Variants in KCNC2 observed in about 807,000 individuals in gnomAD.
KCNC2 encodes the protein potassium voltage-gated channel subfamily C member 2, also known as voltage-gated potassium channel KCNC2.
A neutral mutation model predicts 44.5 loss-of-function variants in KCNC2; 21 were observed. That is an observed-to-expected ratio of 0.47 (90% CI 0.33 to 0.68). The LOEUF is 0.68. KCNC2 is among the 30% of genes least tolerant of loss of function. KCNC2 has a pLI of 0.01. For missense variants in KCNC2, 589 were observed against 826.2 expected, an observed-to-expected ratio of 0.71 and a Z score of 3.52; for synonymous variants, 391 against 339.1, an observed-to-expected ratio of 1.15 and a Z score of -1.68.
chr12:75,048,424 C>T, intron 3 of KCNC2, 107 bp from the exon 4 acceptor site: 1 of 750,232 alleles, frequency 1.3e-6, no homozygotes, highest in Non-Finnish European at 2.0e-6. Context: ...ATATACAACA[C>T]ACAAGAATCA....
intron 2 of KCNC2, among the ~76,000 whole-genome samples, chr12:75,204,464 A>G (rs2031528045): frequency 6.6e-6 from 1 of 152,058 alleles, no homozygotes; most frequent in South Asian, 2.1e-4. Context: ...AAAAAAGAAA[A>G]TTGTGAAACA....
intron 2 of KCNC2, among the ~76,000 whole-genome samples, chr12:75,188,791 G>C (rs2029914582): frequency 6.6e-6 from 1 of 151,638 alleles, no homozygotes; most frequent in Admixed American, 6.6e-5. Context: ...ACCCGGAGTT[G>C]GAGGATGCAG....
chr12:75,120,726 G>C (rs527272178), intron 2 of KCNC2, among the ~76,000 whole-genome samples: 16 of 152,282 alleles, frequency 1.1e-4, no homozygotes, highest in African/African-American at 3.8e-4. Flanking sequence ...CTGGACCTTA[G>C]TAAGTGTTTC....
intron 2 of KCNC2, among the ~76,000 whole-genome samples, chr12:75,067,886 A>C (rs184882575): frequency 2.6e-5 from 4 of 152,112 alleles, no homozygotes; most frequent in Non-Finnish European, 5.9e-5. Flanking sequence ...GCAAAAAAAA[A>C]ACATACTTTT....
chr12:75,193,936 G>T (rs769624881), intron 2 of KCNC2, among the ~76,000 whole-genome samples: 33 of 152,050 alleles, frequency 2.2e-4, no homozygotes, highest in Non-Finnish European at 4.0e-4. Flanking sequence ...AGAGGGACTA[G>T]AGTTAATGCC....
chr12:75,109,704 C>T (rs943853382), intron 2 of KCNC2, among the ~76,000 whole-genome samples: 1 of 151,890 alleles, frequency 6.6e-6, no homozygotes, highest in African/African-American at 2.4e-5. Context: ...ATATACAGGA[C>T]CCTAAAACCC....
intron 2 of KCNC2, among the ~76,000 whole-genome samples, chr12:75,068,749 T>C (rs959285671): frequency 5.9e-5 from 9 of 151,976 alleles, no homozygotes; most frequent in African/African-American, 2.2e-4. Flanking sequence ...GTTTGGAAAA[T>C]GGGAAGTAAT....
intron 2 of KCNC2, among the ~76,000 whole-genome samples, chr12:75,083,805 T>C (rs983732462): frequency 1.3e-5 from 2 of 151,968 alleles, no homozygotes; most frequent in Admixed American, 1.3e-4. Context: ...TTATAATAAA[T>C]ACATGATTTC....
intron 2 of KCNC2, among the ~76,000 whole-genome samples, chr12:75,192,585 C>T (rs1002781230): frequency 2.6e-5 from 4 of 152,098 alleles, no homozygotes; most frequent in African/African-American, 9.7e-5. Flanking sequence ...TTTTCATTTA[C>T]TGTTAGTCTA....
intron 2 of KCNC2, among the ~76,000 whole-genome samples, chr12:75,054,665 C>T (rs529970927): frequency 2.0e-5 from 3 of 151,950 alleles, no homozygotes; most frequent in Admixed American, 6.6e-5. Flanking sequence ...CCATGGGAGG[C>T]GGGATATGTT....
intron 2 of KCNC2, among the ~76,000 whole-genome samples, chr12:75,126,519 A>G (rs1888437709): frequency 6.6e-6 from 1 of 152,164 alleles, no homozygotes. Flanking sequence ...TAAATTATAA[A>G]AAGAGGATTT....
intron 2 of KCNC2, among the ~76,000 whole-genome samples, chr12:75,053,367 T>C (rs1023872671): frequency 6.6e-6 from 1 of 151,914 alleles, no homozygotes. Flanking sequence ...GCTCACTACC[T>C]CCTTAGTAAT....
At chr12:75,170,021 A>G (rs1891707632) in intron 2 of KCNC2, among the ~76,000 whole-genome samples, 1 of 151,760 alleles carries the variant, frequency 6.6e-6, no homozygotes, top group African/African-American at 2.4e-5. Flanking sequence ...ATCTTTTCAT[A>G]TATTGTTTTA....
chr12:75,041,195 T>C lies in KCNC2; in HGVS notation c.*1910A>G. On this transcript the variant is annotated 3_prime_UTR_variant, in exon 5 of 5. Coordinates refer to ENST00000549446, the MANE Select transcript of KCNC2 (RefSeq NM_139137.4). The stretch of plus-strand genomic sequence containing the variant: ...TCAGCAGTCAATAATCCATGATAAA[T>C]TCTGTACAACACTGTAGTCAATAAC... The C allele has an allele frequency of 6.3e-7, 1 of 1,596,072 alleles. No individual in the cohort carries two copies. Among genetic ancestry groups the C allele is most frequent in the Non-Finnish European group, 8.5e-7 (1 of 1,178,256 alleles).
Position 75,047,277 on chromosome 12 carries a change from G to T in KCNC2, c.1780+876C>A, listed in dbSNP as rs763455570. ...TCACGAGACTATTTTTAAAGGGGAG[G>T]AAAAGATCCCAATTGTCCTAAGGTT... is the stretch of plus-strand genomic sequence containing the variant. On this transcript the variant is annotated intron_variant, in intron 4 of 4. Coordinates refer to ENST00000549446, the MANE Select transcript of KCNC2 (RefSeq NM_139137.4). Among the ~76,000 whole-genome samples the T allele has an allele frequency of 2.6e-5, 4 of 151,884 alleles. No homozygotes were observed. In the South Asian group the frequency reaches 8.3e-4, roughly 31 times the overall value.
chr12:75,166,411 A>T (rs1891453377), intron 2 of KCNC2, among the ~76,000 whole-genome samples: 1 of 150,780 alleles, frequency 6.6e-6, no homozygotes, highest in Admixed American at 6.6e-5. Context: ...TCTAGGCAGA[A>T]GATCAAAATG....
At chr12:75,127,977 T>C (rs936763713) in intron 2 of KCNC2, among the ~76,000 whole-genome samples, 1 of 152,040 alleles carries the variant, frequency 6.6e-6, no homozygotes, top group Non-Finnish European at 1.5e-5. Context: ...ATCTTAAACC[T>C]GAAAATATTC....
chr12:75,088,161 A>G (rs1009734141), intron 2 of KCNC2, among the ~76,000 whole-genome samples: 1 of 152,108 alleles, frequency 6.6e-6, no homozygotes, highest in Non-Finnish European at 1.5e-5. Flanking sequence ...AATTAGAAGG[A>G]TTAAATGAGG....
At chr12:75,163,195 G>A (rs905588156) in intron 2 of KCNC2, among the ~76,000 whole-genome samples, 2 of 151,736 alleles carry the variant, frequency 1.3e-5, no homozygotes, top group African/African-American at 4.8e-5. Context: ...AAAAGGGTGT[G>A]TTGCTGCTAT....
Sources: allele counts gnomAD v4.1 joint callset (sites outside exome capture counted in the v4.1 genomes callset), GRCh38; gene constraint gnomAD v4.1.1; transcripts MANE v1.5; gene names NCBI Gene and HGNC (gene_info 2026-07-23, HGNC 2026-07-21).